Variants in MIPEP observed in about 807,000 individuals in gnomAD.
MIPEP encodes the protein mitochondrial intermediate peptidase.
A neutral mutation model predicts 90.3 loss-of-function variants in MIPEP; 79 were observed. The observed-to-expected ratio is 0.87, with a 90% CI of 0.73 to 1.05. MIPEP has a LOEUF of 1.05. Ranked by LOEUF, MIPEP falls within the 50% of genes least tolerant of loss-of-function variation. The probability of loss-of-function intolerance (pLI) is 0.00; values close to 1 mark genes in which losing one functional copy is unlikely to be tolerated. For synonymous variants in MIPEP, 334 were observed against 315.8 expected, an observed-to-expected ratio of 1.06 and a Z score of -0.61; for missense variants, 940 against 905.6, an observed-to-expected ratio of 1.04 and a Z score of -0.49.
chr13:23,830,821 C>A (rs1868702494), intron 14 of MIPEP, among the ~76,000 whole-genome samples: 1 of 152,148 alleles, frequency 6.6e-6, no homozygotes, highest in South Asian at 2.1e-4. Flanking sequence ...TAAGCAGCAG[C>A]CACCCCTCAG....
At chr13:23,779,284 C>A (rs1051360176) in intron 16 of MIPEP, among the ~76,000 whole-genome samples, 6 of 152,042 alleles carry the variant, frequency 3.9e-5, no homozygotes, top group Non-Finnish European at 8.8e-5. Context: ...GTAGAAAACC[C>A]CGAAATTGTG....
Position 23,859,069 on chromosome 13 carries a change from T to C in MIPEP, c.1054-157A>G, listed in dbSNP as rs544879925. Among the ~76,000 whole-genome samples the C allele has an allele frequency of 3.3e-4, 50 of 152,292 alleles. No individual in the cohort carries two copies. In the South Asian group the frequency reaches 8.1e-3, roughly 25 times the overall value. ...AAAAAATTGATAGCTTGGCAGAAAA[T>C]ACCTGGCTCCTTATTTTGACTTCCC... On this transcript the variant is annotated intron_variant, in intron 9 of 18. Coordinates refer to ENST00000382172, the MANE Select transcript of MIPEP (RefSeq NM_005932.4).
At chr13:23,810,237 C>CT (rs1953157004) in intron 14 of MIPEP, among the ~76,000 whole-genome samples, 1 of 152,198 alleles carries the variant, frequency 6.6e-6, no homozygotes, top group East Asian at 1.9e-4. Flanking sequence ...TTTTCTGTTC[C>CT]TTTGCTATTA....
rs1298181973 is a variant in MIPEP, at chr13:23,885,682, T to C, written c.363+651A>G. 2.7e-5 allele frequency among the ~76,000 whole-genome samples: 4 copies of C among 150,156 alleles called. No homozygotes were observed. The East Asian group carries it at 7.7e-4, about 29-fold the overall frequency. On this transcript the variant is annotated intron_variant, in intron 2 of 18. Coordinates refer to ENST00000382172, the MANE Select transcript of MIPEP (RefSeq NM_005932.4). The stretch of plus-strand genomic sequence containing the variant: ...ATACACTTCTATTTCAAATTTAAAA[T>C]GTTAAAAAAAAAAAGTCTTTACAAT...
intron 18 of MIPEP, among the ~76,000 whole-genome samples, chr13:23,751,735 T>A (rs1258358980): frequency 1.3e-5 from 2 of 152,154 alleles, no homozygotes; most frequent in African/African-American, 4.8e-5. Context: ...CTGGGCCATG[T>A]CCTGCTTACA....
chr13:23,812,696 A>G (rs1024112349), intron 14 of MIPEP, among the ~76,000 whole-genome samples: 1 of 152,208 alleles, frequency 6.6e-6, no homozygotes, highest in African/African-American at 2.4e-5. Context: ...CGTATTTAGA[A>G]AAAAACAAAA....
intron 16 of MIPEP, among the ~76,000 whole-genome samples, chr13:23,784,623 C>A (rs1273755641): frequency 6.6e-6 from 1 of 152,070 alleles, no homozygotes; most frequent in Non-Finnish European, 1.5e-5. Context: ...GCAACAAAAG[C>A]CAAAATTGAC....
In MIPEP at chr13:23,800,362, A is replaced by G. The variant is rs78229486; in HGVS notation, c.1848+5588T>C. Among the ~76,000 whole-genome samples the G allele has an allele frequency of 1.0e-3, 157 of 152,338 alleles. 1 individual carries two copies. Among genetic ancestry groups the G allele is most frequent in the African/African-American group, 3.4e-3 (143 of 41,568 alleles). ...TTCTATTTCCTGAATTAAAAATAGGAGAGATACACAATCGCTTAGGGAAAA... is the reference window on the plus strand; with the variant it reads ...TTCTATTTCCTGAATTAAAAATAGGGGAGATACACAATCGCTTAGGGAAAA... On this transcript the variant is annotated intron_variant, in intron 16 of 18. Coordinates refer to ENST00000382172, the MANE Select transcript of MIPEP (RefSeq NM_005932.4).
intron 14 of MIPEP, among the ~76,000 whole-genome samples, chr13:23,823,709 T>A (rs12867091): frequency 6.6e-6 from 1 of 151,882 alleles, no homozygotes; most frequent in Non-Finnish European, 1.5e-5. Context: ...GGCCCTGTAG[T>A]CCTAGCTACT....
intron 1 of MIPEP, among the ~76,000 whole-genome samples, chr13:23,887,673 G>C (rs1871562548): frequency 6.6e-6 from 1 of 152,164 alleles, no homozygotes; most frequent in Non-Finnish European, 1.5e-5. Context: ...AGAAACAAGT[G>C]ACCGGAGCAG....
At chr13:23,822,147 T>C (rs1311395812) in intron 14 of MIPEP, among the ~76,000 whole-genome samples, 1 of 152,206 alleles carries the variant, frequency 6.6e-6, no homozygotes, top group African/African-American at 2.4e-5. Context: ...TTTTTTAAAA[T>C]AGGAAAATGG....
chr13:23,818,446 A>G (rs1035503648), intron 14 of MIPEP, among the ~76,000 whole-genome samples: 1 of 121,486 alleles, frequency 8.2e-6, no homozygotes, highest in Non-Finnish European at 1.7e-5. Context: ...AAAAATAAAT[A>G]AATGAATAAA....
intron 16 of MIPEP, among the ~76,000 whole-genome samples, chr13:23,778,536 C>T (rs925298844): frequency 6.6e-6 from 1 of 152,160 alleles, no homozygotes; most frequent in African/African-American, 2.4e-5. Context: ...TCCCTCAAAA[C>T]TCACTAATGA....
intron 17 of MIPEP, among the ~76,000 whole-genome samples, chr13:23,757,642 C>T (rs368253403): frequency 3.9e-5 from 6 of 152,120 alleles, no homozygotes; most frequent in East Asian, 1.9e-4. Flanking sequence ...TAACAGTTAA[C>T]GGATCAGCAA....
At chr13:23,868,189 T>C (rs115297615) in intron 7 of MIPEP, among the ~76,000 whole-genome samples, 216 of 152,012 alleles carry the variant, frequency 1.4e-3, no homozygotes, top group African/African-American at 5.2e-3. Flanking sequence ...ACCAGCTTCA[T>C]GAAAGAGGTG....
chr13:23,825,576 G>A (rs73450250), intron 14 of MIPEP, among the ~76,000 whole-genome samples: 2,392 of 152,246 alleles, frequency 0.016, 87 homozygotes, highest in African/African-American at 0.055. Flanking sequence ...CAGAAGTTTA[G>A]GCGATACATA....
At chr13:23,779,914 G>A (rs545103904) in intron 16 of MIPEP, among the ~76,000 whole-genome samples, 53 of 152,324 alleles carry the variant, frequency 3.5e-4, no homozygotes, top group African/African-American at 1.2e-3. Flanking sequence ...TGGGGGAGGG[G>A]CGCCCACCAT....
At chr13:23,738,665 C>T (rs1240353081) in intron 18 of MIPEP, among the ~76,000 whole-genome samples, 1 of 150,904 alleles carries the variant, frequency 6.6e-6, no homozygotes, top group Non-Finnish European at 1.5e-5. Flanking sequence ...TCAGGCTGGT[C>T]TCGAACTCCT....
intron 14 of MIPEP, among the ~76,000 whole-genome samples, chr13:23,830,199 G>A (rs1868670362): frequency 6.6e-6 from 1 of 152,202 alleles, no homozygotes; most frequent in Middle Eastern, 3.4e-3. Flanking sequence ...CTCCATGACA[G>A]GAGAATGAGT....
Sources: gnomAD v4.1 joint callset for allele counts (sites outside exome capture counted in the v4.1 genomes callset) on GRCh38, gnomAD v4.1.1 for gene constraint, MANE v1.5 for transcripts, NCBI Gene and HGNC (gene_info 2026-07-23, HGNC 2026-07-21) for gene names.